LRP5: variants seen among roughly 807,000 people sequenced by gnomAD.
LRP5 encodes LDL receptor related protein 5.
Under a neutral mutation model 154.1 loss-of-function variants are expected in LRP5, and 62 were observed. That is an observed-to-expected ratio of 0.40 (90% CI 0.33 to 0.50). The LOEUF (loss-of-function observed/expected upper bound fraction) is 0.50. LRP5 is among the 20% of genes least tolerant of loss of function. The pLI is 0.55. For missense variants in LRP5, 1,915 were observed against 2,336.7 expected, an observed-to-expected ratio of 0.82 and a Z score of 3.72; for synonymous variants, 966 against 1,011.5, an observed-to-expected ratio of 0.96 and a Z score of 0.85.
chr11:68,306,937 C>T, the LRP5 span, among the ~76,000 whole-genome samples: 1 of 152,192 alleles, frequency 6.6e-6, no homozygotes, highest in East Asian at 1.9e-4. Context: ...CATCCTCACT[C>T]CCTCTCTTGA....
Position 68,344,841 on chromosome 11 carries a change from A to ATC in LRP5, c.92-2998_92-2997dup, listed in dbSNP as rs199856972. On this transcript the variant is annotated intron_variant, in intron 1 of 22. Coordinates refer to ENST00000294304, the MANE Select transcript of LRP5 (RefSeq NM_002335.4). Reference sequence around the variant, plus strand: ...CATCCATGTTGTAGCATGTGTCAGAATCTCTCTCTTTTTTTTTTTTTTTTT... The same window carrying ATC: ...CATCCATGTTGTAGCATGTGTCAGAATCTCTCTCTCTTTTTTTTTTTTTTTTT... 1.3e-3 allele frequency among the ~76,000 whole-genome samples: 174 copies of ATC among 138,528 alleles called. 2 individuals are homozygous for ATC. Among genetic ancestry groups the ATC allele is most frequent in the African/African-American group, 3.6e-3 (128 of 35,724 alleles). 90.9% of individuals were successfully genotyped at this position (138,528 alleles called of 152,430 possible). A position where few individuals can be genotyped will look rare whatever the true frequency, so the allele number is the denominator to read the frequency against.
At chr11:68,362,884 C>T (rs2098628830) in intron 3 of LRP5, among the ~76,000 whole-genome samples, 1 of 151,148 alleles carries the variant, frequency 6.6e-6, no homozygotes, top group Non-Finnish European at 1.5e-5. Flanking sequence ...GTGGCGGGGA[C>T]CCTCTGCCCC....
intron 1 of LRP5, among the ~76,000 whole-genome samples, chr11:68,322,968 C>T (rs1591173658): frequency 6.6e-6 from 1 of 152,372 alleles, no homozygotes; most frequent in Non-Finnish European, 1.5e-5. Context: ...CGTGAGATGC[C>T]ACGGTGGGGG....
chr11:68,432,338 G>A (rs1227750057), intron 17 of LRP5, among the ~76,000 whole-genome samples: 1 of 152,224 alleles, frequency 6.6e-6, no homozygotes, highest in African/African-American at 2.4e-5. Flanking sequence ...TGTCCCCCAT[G>A]GCCAGGCACG....
intron 21 of LRP5, among the ~76,000 whole-genome samples, chr11:68,443,583 ATATT>A (rs1363327130): frequency 2.3e-3 from 75 of 33,046 alleles, no homozygotes; most frequent in African/African-American, 4.6e-3. Context: ...ATATATATAT[ATATT>A]TTTTTTTTTT....
chr11:68,378,162 CTT>C (rs2098638402), intron 5 of LRP5, among the ~76,000 whole-genome samples: 2 of 158 alleles, frequency 0.013, no homozygotes, highest in Non-Finnish European at 0.024. Flanking sequence ...CAAAAATTAT[CTT>C]GTTTGTTTGT....
intron 1 of LRP5, among the ~76,000 whole-genome samples, chr11:68,320,548 G>A (rs1297671714): frequency 2.0e-5 from 3 of 149,070 alleles, no homozygotes; most frequent in Non-Finnish European, 4.4e-5. Flanking sequence ...TGCAACCTCT[G>A]CCTCCCGGGT....
chr11:68,378,766 G>C (rs1455755749), intron 5 of LRP5, among the ~76,000 whole-genome samples: 1 of 152,012 alleles, frequency 6.6e-6, no homozygotes, highest in East Asian at 1.9e-4. Flanking sequence ...GGTCAGGCGC[G>C]GTGGCTCACA....
intron 12 of LRP5, 92 bp downstream of exon 12, chr11:68,414,104 TC>T: frequency 8.1e-7 from 1 of 1,237,204 alleles, no homozygotes; most frequent in African/African-American, 1.5e-5. Context: ...CATCTGGGGT[TC>T]CTGGGTGTAC....
At chr11:68,416,253 G>C in intron 12 of LRP5, 75 bp from the exon 13 acceptor site, 2 of 1,291,912 alleles carry the variant, frequency 1.5e-6, no homozygotes, top group Non-Finnish European at 2.2e-6. Context: ...GTTGTCGAGT[G>C]GCGTGCTATC....
At chr11:68,307,388 CG>C in the LRP5 span, among the ~76,000 whole-genome samples, 1 of 151,566 alleles carries the variant, frequency 6.6e-6, no homozygotes, top group East Asian at 1.9e-4. Flanking sequence ...GATTATAGGC[CG>C]GGGGGTGGCT....
chr11:68,445,747 C>A, intron 21 of LRP5: 1 of 1,070,948 alleles, frequency 9.3e-7, no homozygotes, highest in Non-Finnish European at 1.3e-6. Flanking sequence ...CTTTGTAGGG[C>A]TGGTTGTGTG....
chr11:68,446,578 A>G (rs1203303744), intron 22 of LRP5, 45 bp downstream of exon 22: 2 of 1,517,496 alleles, frequency 1.3e-6, no homozygotes, highest in East Asian at 2.3e-5. Context: ...GGTTCCCGCC[A>G]GCCCGTGGTG....
intron 1 of LRP5, among the ~76,000 whole-genome samples, chr11:68,320,302 G>A (rs1377197310): frequency 2.0e-5 from 3 of 152,142 alleles, no homozygotes; most frequent in Non-Finnish European, 4.4e-5. Context: ...GGTTTTTGGT[G>A]TTTTCTTTGG....
intron 3 of LRP5, among the ~76,000 whole-genome samples, chr11:68,358,150 C>T (rs1305508510): frequency 6.6e-6 from 1 of 151,824 alleles, no homozygotes; most frequent in African/African-American, 2.4e-5. Flanking sequence ...GAGTCTCACT[C>T]TTTCACCCAG....
intron 1 of LRP5, among the ~76,000 whole-genome samples, chr11:68,327,965 C>T (rs2098600643): frequency 6.6e-6 from 1 of 152,232 alleles, no homozygotes; most frequent in Admixed American, 6.5e-5. Flanking sequence ...CCAAGGAAAT[C>T]AAAGCTGATC....
Position 68,386,271 on chromosome 11 carries a change from G to A in LRP5, c.1016-45G>A. ...CCACCCCAGGCCTAGACTTGTGCCT[G>A]CTGCAGGCCCTTGACCCCTGACCCC... On this transcript the variant is annotated intron_variant, in intron 5 of 22. Transcript: ENST00000294304. This position sits in a 1 kb window ranked among gnomAD's most constrained non-coding sequence, Gnocchi z 7.9. The A allele has an allele frequency of 3.1e-6, 5 of 1,605,162 alleles. No individual in the cohort carries two copies. In the South Asian group the frequency reaches 5.5e-5, roughly 18 times the overall value.
intron 7 of LRP5, among the ~76,000 whole-genome samples, chr11:68,396,438 G>A (rs113205887): frequency 1.3e-5 from 2 of 152,262 alleles, no homozygotes; most frequent in South Asian, 2.1e-4. Flanking sequence ...TGCTTTCTGC[G>A]GGGCTAGCCG....
At chr11:68,344,652 G>T (rs952736804) in intron 1 of LRP5, among the ~76,000 whole-genome samples, 1 of 151,686 alleles carries the variant, frequency 6.6e-6, no homozygotes, top group African/African-American at 2.4e-5. Context: ...GAAACTTGCC[G>T]CCTTAAGCAG....
Sources: gnomAD v4.1 joint callset for allele counts (sites outside exome capture counted in the v4.1 genomes callset) on GRCh38, gnomAD v4.1.1 for gene constraint, Gnocchi (gnomAD v3.1) non-coding constraint, MANE v1.5 for transcripts, NCBI Gene and HGNC (gene_info 2026-07-23, HGNC 2026-07-21) for gene names.